The following CAPN13 variants were observed in gnomAD, a reference collection of about 807,000 sequenced individuals.
CAPN13 encodes calpain 13.
A neutral mutation model predicts 98.4 loss-of-function variants in CAPN13; 90 were observed. The ratio of observed to expected loss-of-function variants is 0.92; its 90% CI spans 0.77 to 1.09. The LOEUF (loss-of-function observed/expected upper bound fraction) is 1.09, where lower values mean the gene tolerates loss of function less well. CAPN13 is among the 50% of genes least tolerant of loss of function. The pLI, the probability that CAPN13 is intolerant of heterozygous loss-of-function variation, is 0.00. For synonymous variants in CAPN13, 330 were observed against 305.5 expected (o/e 1.08, Z -0.84); for missense variants, 887 against 841.3 (o/e 1.05, Z -0.67).
chr2:30,765,381 GC>G (rs1179429627), intron 5 of CAPN13, among the ~76,000 whole-genome samples: 2 of 152,156 alleles, frequency 1.3e-5, no homozygotes, highest in Non-Finnish European at 2.9e-5. Context: ...TGGGCTTCTC[GC>G]CAGGGACCTA....
chr2:30,734,823 C>T (rs1226457493), intron 18 of CAPN13, among the ~76,000 whole-genome samples: 1 of 151,932 alleles, frequency 6.6e-6, no homozygotes, highest in Admixed American at 6.6e-5. Context: ...AAAGAGTTTG[C>T]GTAGGGTAGT....
At position 30,743,217 on chromosome 2, in the gene CAPN13, T is replaced by C. The variant is rs568581137; in HGVS notation, c.1445+166A>G. 25 of 672,282 alleles carry C rather than the reference T, an allele frequency of 3.7e-5. 2 individuals are homozygous for C. The highest frequency in any genetic ancestry group is 2.1e-4 in the African/African-American group (12 of 55,832). The allele number at this position is 672,282 out of a possible 1,614,324, so 41.6% of individuals were successfully genotyped here. ...GGTCTGGTTCTTGGTTCATAGACTT[T>C]CTCGCTCCCCCTTTATGGTGAGCTG... On this transcript the variant is annotated intron_variant, in intron 13 of 22. Coordinates refer to ENST00000295055, the MANE Select transcript of CAPN13 (RefSeq NM_144575.3).
intron 19 of CAPN13, among the ~76,000 whole-genome samples, chr2:30,733,197 A>C (rs7592475): frequency 6.6e-6 from 1 of 152,174 alleles, no homozygotes. Flanking sequence ...GAGAGCAAGC[A>C]GAACCCTGCA....
Position 30,770,469 on chromosome 2 carries a change from A to G in CAPN13, c.388-20T>C. On this transcript the variant is annotated intron_variant, in intron 4 of 22. Transcript: ENST00000295055. The stretch of plus-strand genomic sequence containing the variant: ...CCAGAACTGGAAGAGAGCCAAGCAT[A>G]TGCTTTGACAGAGTTGAGGCAGAAG... The G allele has an allele frequency of 6.2e-7, 1 of 1,611,822 alleles. No homozygotes were observed. The highest frequency in any genetic ancestry group is 1.3e-5 in the African/African-American group (1 of 75,012).
chr2:30,776,539 T>C (rs1029676547), intron 3 of CAPN13, among the ~76,000 whole-genome samples: 1 of 152,168 alleles, frequency 6.6e-6, no homozygotes, highest in East Asian at 1.9e-4. Context: ...CCAGAGGTGC[T>C]CAGTTACAGC....
chr2:30,745,222 C>T (rs1297005281), intron 12 of CAPN13: 1 of 472,506 alleles, frequency 2.1e-6, no homozygotes, highest in Non-Finnish European at 4.4e-6. Context: ...CATCCTTCCT[C>T]ATATGGGCAA....
In CAPN13 at chr2:30,777,554, G is replaced by C. The variant is rs1673766159; in HGVS notation, c.271+13C>G. ...CCTATCCAGGGCACGGAGGGAAGAT[G>C]TTGCACTCTTACCTGCGCCTCCTTG... On this transcript the variant is annotated intron_variant, in intron 3 of 22. Coordinates refer to ENST00000295055, the MANE Select transcript of CAPN13 (RefSeq NM_144575.3). The C allele has an allele frequency of 6.4e-7, 1 of 1,564,550 alleles. No homozygotes were observed. The highest frequency in any genetic ancestry group is 1.9e-5 in the Admixed American group (1 of 53,096).
intron 1 of CAPN13, among the ~76,000 whole-genome samples, chr2:30,806,741 G>A (rs1029170388): frequency 6.6e-6 from 1 of 152,194 alleles, no homozygotes; most frequent in Non-Finnish European, 1.5e-5. Flanking sequence ...CACCACTAGA[G>A]GCATATAGGA....
At chr2:30,793,750 G>A (rs2148091037) in intron 1 of CAPN13, among the ~76,000 whole-genome samples, 1 of 151,944 alleles carries the variant, frequency 6.6e-6, no homozygotes, top group South Asian at 2.1e-4. Flanking sequence ...ATGGAGAAGG[G>A]TAGAGAATCT....
At chr2:30,773,331 ACT>A (rs146214037) in intron 4 of CAPN13, among the ~76,000 whole-genome samples, 1,662 of 151,904 alleles carry the variant, frequency 0.011, 37 homozygotes, top group African/African-American at 0.038. Flanking sequence ...CAAAGGAAAA[ACT>A]CTCACATATT....
chr2:30,764,268 A>C lies in CAPN13; in HGVS notation c.563T>G (p.Leu188Arg). 6.2e-7 allele frequency: 1 copy of C among 1,613,856 alleles called. No homozygotes were observed. The highest frequency in any genetic ancestry group is 8.5e-7 in the Non-Finnish European group (1 of 1,179,860). Residue 188 changes from leucine (L) to arginine (R), a missense_variant, in exon 6 of 23, where the codon CTC becomes CGC. Transcript: ENST00000295055. Reference sequence around the variant, plus strand: ...TGTGAGGTCCACCAGGGCATCCTCGAGGAAGCCATAGTGCAGATCGGAATA... The same window carrying C: ...TGTGAGGTCCACCAGGGCATCCTCGCGGAAGCCATAGTGCAGATCGGAATA... The part of the protein sequence containing the change: ...GSYSDLHYGF[L>R]EDALVDLTGG...
chr2:30,750,334 G>C (rs1241266235), intron 11 of CAPN13, among the ~76,000 whole-genome samples: 1 of 152,042 alleles, frequency 6.6e-6, no homozygotes, highest in Non-Finnish European at 1.5e-5. Context: ...AGGGAGCGGG[G>C]CAGAAAAGAT....
chr2:30,726,521 G>T (rs963631566), intron 22 of CAPN13, among the ~76,000 whole-genome samples: 1 of 152,066 alleles, frequency 6.6e-6, no homozygotes, highest in African/African-American at 2.4e-5. Flanking sequence ...TAATAAACAA[G>T]TTTAGCAAGG....
In CAPN13 at chr2:30,770,350, C is replaced by T; in HGVS notation, c.487G>A (p.Glu163Lys). Residue 163 changes from glutamate to lysine, a missense_variant, in exon 5 of 23, where the codon GAG becomes AAG. Glu to Lys is a moderately conservative substitution (Grantham distance 56). Coordinates refer to ENST00000295055, the MANE Select transcript of CAPN13 (RefSeq NM_144575.3). ...TTCTCCAGCAGGCAGGGCCAGAACT[C>T]TTGGTTTTGGTGGCGAGGACGCACA... Reference protein sequence around the residue: ...LFVRPRHQNQEFWPCLLEKAY... With the variant: ...LFVRPRHQNQKFWPCLLEKAY... 1 of 1,614,006 alleles carries T rather than the reference C, an allele frequency of 6.2e-7. No homozygotes were observed. The highest frequency in any genetic ancestry group is 1.1e-5 in the South Asian group (1 of 91,088).
At chr2:30,758,845 C>A (rs1039512216) in intron 7 of CAPN13, among the ~76,000 whole-genome samples, 3 of 135,308 alleles carry the variant, frequency 2.2e-5, no homozygotes, top group Non-Finnish European at 4.7e-5. Flanking sequence ...TCCTTCTTTC[C>A]CTTTCTCCCT....
chr2:30,728,502 G>C (rs1670939762), intron 22 of CAPN13, among the ~76,000 whole-genome samples: 1 of 152,118 alleles, frequency 6.6e-6, no homozygotes. Context: ...AGACAGAGCA[G>C]ACAGTAAGGC....
intron 11 of CAPN13, 32 bp downstream of exon 11, chr2:30,751,071 A>G (rs773061854): frequency 6.2e-6 from 10 of 1,608,850 alleles, no homozygotes; most frequent in Admixed American, 5.1e-5. Flanking sequence ...CTAAATTTCT[A>G]CAAGGGAAAG....
chr2:30,733,586 C>T (rs981592092), intron 19 of CAPN13, among the ~76,000 whole-genome samples: 12 of 152,070 alleles, frequency 7.9e-5, no homozygotes, highest in African/African-American at 2.9e-4. Context: ...CCCACCCACA[C>T]CCCCTGATCA....
intron 6 of CAPN13, among the ~76,000 whole-genome samples, chr2:30,763,780 G>A (rs775720753): frequency 1.3e-5 from 2 of 152,230 alleles, no homozygotes; most frequent in African/African-American, 2.4e-5. Flanking sequence ...CTGAAGCTGC[G>A]TTCACCAGTG....
Sources: allele counts gnomAD v4.1 joint callset (sites outside exome capture counted in the v4.1 genomes callset), GRCh38; gene constraint gnomAD v4.1.1; transcripts MANE v1.5; gene names NCBI Gene and HGNC (gene_info 2026-07-23, HGNC 2026-07-21).